The following IMMP2L variants were observed in gnomAD, a reference collection of about 807,000 sequenced individuals.
IMMP2L encodes mitochondrial inner membrane protease subunit 2.
IMMP2L carries 18 observed loss-of-function variants against 19.3 expected under a neutral mutation model. That is an observed-to-expected ratio of 0.93 (90% CI 0.64 to 1.38). IMMP2L has a LOEUF of 1.38. Among genes scored for constraint, IMMP2L ranks in the 40% most tolerant of loss-of-function variants. The pLI is 0.00. For missense variants in IMMP2L, 233 were observed against 218.2 expected, an observed-to-expected ratio of 1.07 and a Z score of -0.43; for synonymous variants, 76 against 73.0, an observed-to-expected ratio of 1.04 and a Z score of -0.21.
intron 3 of IMMP2L, among the ~76,000 whole-genome samples, chr7:111,287,228 A>G (rs1820587279): frequency 6.6e-6 from 1 of 152,216 alleles, no homozygotes; most frequent in African/African-American, 2.4e-5. Flanking sequence ...ACATGGGAAG[A>G]AAAATAAGAA....
At chr7:110,963,442 A>G in intron 4 of IMMP2L, 58 bp downstream of exon 4, 2 of 1,191,500 alleles carry the variant, frequency 1.7e-6, no homozygotes, top group East Asian at 2.4e-5. Context: ...CAAGTAATGT[A>G]GGTAACAGAA....
chr7:111,033,127 A>T (rs1791001747), intron 3 of IMMP2L, among the ~76,000 whole-genome samples: 1 of 152,226 alleles, frequency 6.6e-6, no homozygotes, highest in Admixed American at 6.5e-5. Context: ...CTCAAATAAT[A>T]AATAAATTAA....
At chr7:111,331,863 G>T (rs37637) in intron 3 of IMMP2L, among the ~76,000 whole-genome samples, 34,095 of 151,626 alleles carry the variant, frequency 0.22, 5,646 homozygotes, top group African/African-American at 0.47. Context: ...AGGAATTCTG[G>T]ATCCATGAGT....
intron 3 of IMMP2L, among the ~76,000 whole-genome samples, chr7:111,311,239 A>G (rs1433336904): frequency 1.3e-5 from 2 of 152,120 alleles, no homozygotes; most frequent in Non-Finnish European, 2.9e-5. Context: ...AACTCCCTGG[A>G]ACTACAGTAA....
In IMMP2L at chr7:111,175,627, C is replaced by A. The variant is rs971321111; in HGVS notation, c.240-212062G>T. ...TTCTCACCATGTACAAAAATCAAAT[C>A]AAAATGGATTAAAGACTTAAATCTA... On this transcript the variant is annotated intron_variant, in intron 3 of 5. Coordinates refer to ENST00000405709, the MANE Select transcript of IMMP2L (RefSeq NM_032549.4). Among the ~76,000 whole-genome samples the A allele has an allele frequency of 5.9e-5, 9 of 151,324 alleles. 1 individual carries two copies. The highest frequency in any genetic ancestry group is 2.2e-4 in the African/African-American group (9 of 41,210).
At chr7:110,705,292 T>A (rs1794576574) in intron 5 of IMMP2L, among the ~76,000 whole-genome samples, 1 of 152,170 alleles carries the variant, frequency 6.6e-6, no homozygotes, top group African/African-American at 2.4e-5. Flanking sequence ...TATACTAGAA[T>A]GTTTTAGGTG....
At chr7:110,717,479 CAAAACA>C (rs1008843622) in intron 5 of IMMP2L, among the ~76,000 whole-genome samples, 5 of 152,178 alleles carry the variant, frequency 3.3e-5, no homozygotes, top group East Asian at 1.9e-4. Context: ...CAAAACAAAA[CAAAACA>C]AAAACAAAAA....
intron 3 of IMMP2L, among the ~76,000 whole-genome samples, chr7:111,405,473 TATTGTA>T (rs1015254650): frequency 6.6e-6 from 1 of 152,164 alleles, no homozygotes; most frequent in African/African-American, 2.4e-5. Flanking sequence ...GAACATTTTA[TATTGTA>T]ATACACATAA....
intron 3 of IMMP2L, among the ~76,000 whole-genome samples, chr7:110,965,216 T>C (rs1819407854): frequency 6.6e-6 from 1 of 152,054 alleles, no homozygotes; most frequent in South Asian, 2.1e-4. Flanking sequence ...GATCATTTAA[T>C]ATGTATTTCA....
intron 3 of IMMP2L, among the ~76,000 whole-genome samples, chr7:111,027,687 C>G (rs1826992287): frequency 6.6e-6 from 1 of 151,950 alleles, no homozygotes; most frequent in Non-Finnish European, 1.5e-5. Context: ...TCATTTTCGA[C>G]TGATAAATGG....
At chr7:110,784,820 C>T (rs1046953306) in intron 5 of IMMP2L, among the ~76,000 whole-genome samples, 1 of 151,868 alleles carries the variant, frequency 6.6e-6, no homozygotes, top group African/African-American at 2.4e-5. Flanking sequence ...CTACTTAGAG[C>T]TCCCCTGTGC....
chr7:111,119,653 C>T (rs1563263848), intron 3 of IMMP2L, among the ~76,000 whole-genome samples: 1 of 152,166 alleles, frequency 6.6e-6, no homozygotes, highest in Non-Finnish European at 1.5e-5. Flanking sequence ...GATAGAATTA[C>T]TTAAGTAACA....
chr7:111,539,002 C>A (rs2132914880), intron 1 of IMMP2L, among the ~76,000 whole-genome samples: 1 of 151,130 alleles, frequency 6.6e-6, no homozygotes, highest in Non-Finnish European at 1.5e-5. Context: ...TGCCTGTAGT[C>A]CCAGCTACTC....
At chr7:110,675,449 T>C (rs1368717308) in intron 5 of IMMP2L, among the ~76,000 whole-genome samples, 2 of 152,322 alleles carry the variant, frequency 1.3e-5, no homozygotes, top group East Asian at 3.9e-4. Flanking sequence ...CCACTCCTCC[T>C]GGGCCTCTTA....
intron 3 of IMMP2L, among the ~76,000 whole-genome samples, chr7:111,344,702 C>T (rs1827361318): frequency 6.6e-6 from 1 of 152,158 alleles, no homozygotes; most frequent in African/African-American, 2.4e-5. Context: ...GGATAAATGC[C>T]TTCTGTTTTG....
intron 3 of IMMP2L, among the ~76,000 whole-genome samples, chr7:111,120,801 A>G (rs553369344): frequency 1.3e-5 from 2 of 152,252 alleles, no homozygotes; most frequent in East Asian, 3.9e-4. Context: ...CACTACATCT[A>G]GCTTACTTAA....
intron 5 of IMMP2L, among the ~76,000 whole-genome samples, chr7:110,714,679 CT>C (rs1372678554): frequency 1.3e-5 from 2 of 152,142 alleles, no homozygotes; most frequent in African/African-American, 2.4e-5. Flanking sequence ...TCACTGTAAC[CT>C]CCACCTCCCA....
chr7:111,344,193 T>A (rs913730784), intron 3 of IMMP2L, among the ~76,000 whole-genome samples: 1 of 152,168 alleles, frequency 6.6e-6, no homozygotes, highest in African/African-American at 2.4e-5. Context: ...ATTAATGATC[T>A]GATTTCTACT....
intron 4 of IMMP2L, among the ~76,000 whole-genome samples, chr7:110,927,452 C>T (rs892658831): frequency 6.6e-6 from 1 of 152,024 alleles, no homozygotes; most frequent in South Asian, 2.1e-4. Flanking sequence ...ATTAGCTGCC[C>T]TCAGGATTAT....
Sources: allele counts gnomAD v4.1 joint callset (sites outside exome capture counted in the v4.1 genomes callset), GRCh38; gene constraint gnomAD v4.1.1; transcripts MANE v1.5; gene names NCBI Gene and HGNC (gene_info 2026-07-23, HGNC 2026-07-21).